Variants in PSD3 observed in about 807,000 individuals in gnomAD.
The protein encoded by PSD3 is pleckstrin and Sec7 domain containing 3.
PSD3 carries 49 observed loss-of-function variants against 105.5 expected under a neutral mutation model. The ratio of observed to expected loss-of-function variants is 0.46; its 90% CI spans 0.37 to 0.59. The LOEUF is 0.59. Ranked by LOEUF, PSD3 falls within the 20% of genes least tolerant of loss-of-function variation. The pLI is 0.00. For missense variants in PSD3, 1,561 were observed against 1,263.8 expected (o/e 1.24, Z -3.57); for synonymous variants, 557 against 457.8 (o/e 1.22, Z -2.77).
intron 10 of PSD3, among the ~76,000 whole-genome samples, chr8:18,633,121 T>A (rs1411300494): frequency 6.6e-6 from 1 of 152,040 alleles, no homozygotes; most frequent in Non-Finnish European, 1.5e-5. Flanking sequence ...ATCCCTAAAG[T>A]CATTGGTCTT....
chr8:18,888,483 T>C (rs866269242), intron 2 of PSD3, among the ~76,000 whole-genome samples: 20 of 148,600 alleles, frequency 1.3e-4, no homozygotes, highest in African/African-American at 4.3e-4. Flanking sequence ...AATTTCCATC[T>C]GAAAAAAAAA....
chr8:18,881,934 G>A (rs1818129686), intron 2 of PSD3, among the ~76,000 whole-genome samples: 1 of 152,192 alleles, frequency 6.6e-6, no homozygotes, highest in Admixed American at 6.5e-5. Context: ...AAAGCCAGAT[G>A]AGGTGGCTCA....
chr8:18,742,791 T>A lies in PSD3; in HGVS notation c.2172+22658A>T, dbSNP rs561972369. ...TACAGTTTAGAAGCCATTTGGTTTA[T>A]TTTTCATAAAGACAAAGAGCTAGTC... is the stretch of plus-strand genomic sequence containing the variant. On this transcript the variant is annotated intron_variant, in intron 9 of 15. Transcript: ENST00000327040. Among the ~76,000 whole-genome samples the A allele has an allele frequency of 1.2e-4, 18 of 152,354 alleles. No homozygotes were observed. In the East Asian group the frequency reaches 3.1e-3, roughly 26 times the overall value.
At chr8:19,074,706 C>A (rs141697403) in intron 1 of PSD3, among the ~76,000 whole-genome samples, 4 of 146,002 alleles carry the variant, frequency 2.7e-5, no homozygotes, top group Non-Finnish European at 4.5e-5. Flanking sequence ...CCGCAAGCTC[C>A]GCCTCCCGGG....
intron 1 of PSD3, chr8:19,001,866 C>T (rs1826417840): frequency 5.7e-6 from 1 of 174,068 alleles, no homozygotes. Flanking sequence ...CCTGCGGTGT[C>T]CCCAGCATCC....
intron 1 of PSD3, among the ~76,000 whole-genome samples, chr8:19,024,917 G>A (rs1426871336): frequency 6.6e-6 from 1 of 152,092 alleles, no homozygotes; most frequent in Non-Finnish European, 1.5e-5. Context: ...GTAAACATAA[G>A]TAAAGTGTCT....
At chr8:19,023,913 T>C (rs1050100786) in intron 1 of PSD3, among the ~76,000 whole-genome samples, 5 of 152,200 alleles carry the variant, frequency 3.3e-5, no homozygotes, top group African/African-American at 1.2e-4. Flanking sequence ...AGTGTAAAGC[T>C]TTTTAGCACA....
At chr8:18,629,789 A>T (rs747265122) in intron 11 of PSD3, among the ~76,000 whole-genome samples, 3 of 151,980 alleles carry the variant, frequency 2.0e-5, no homozygotes, top group Non-Finnish European at 4.4e-5. Flanking sequence ...TGTGTTGATG[A>T]TTATATAACT....
At chr8:18,827,623 G>GT (rs552637729) in intron 4 of PSD3, among the ~76,000 whole-genome samples, 376 of 152,260 alleles carry the variant, frequency 2.5e-3, no homozygotes, top group African/African-American at 8.9e-3. Context: ...CTATGAGAGT[G>GT]TTTTTTAAGA....
intron 4 of PSD3, among the ~76,000 whole-genome samples, chr8:18,821,626 C>T (rs1473727780): frequency 2.0e-5 from 3 of 151,438 alleles, no homozygotes; most frequent in Non-Finnish European, 2.9e-5. Flanking sequence ...AATTCAAACA[C>T]TGCTGCAGAT....
intron 9 of PSD3, among the ~76,000 whole-genome samples, chr8:18,690,411 T>A (rs1307250821): frequency 1.3e-5 from 2 of 152,338 alleles, no homozygotes; most frequent in African/African-American, 4.8e-5. Context: ...GGAAAACAGA[T>A]ACATTGGATC....
At chr8:18,736,259 A>C (rs1449210110) in intron 9 of PSD3, among the ~76,000 whole-genome samples, 1 of 152,198 alleles carries the variant, frequency 6.6e-6, no homozygotes, top group Non-Finnish European at 1.5e-5. Flanking sequence ...ATTGAAGGCA[A>C]GACACTTAAC....
chr8:18,938,627 CAA>C (rs35017140), intron 1 of PSD3, among the ~76,000 whole-genome samples: 183 of 109,432 alleles, frequency 1.7e-3, no homozygotes, highest in East Asian at 0.01. Context: ...CCGTCTCAAA[CAA>C]AAAAAAAAAA....
In PSD3 at chr8:18,632,780, G is replaced by A. The variant is rs756774402; in HGVS notation, c.2243C>T (p.Pro748Leu). The change falls in exon 11 of 16, where the codon CCC becomes CTC. Residue 748 changes from proline to leucine, a missense_variant. Coordinates refer to ENST00000327040, the MANE Select transcript of PSD3 (RefSeq NM_015310.4). ...AVDDEEKKKS[P>L]SESTEEKANG... is the part of the protein sequence containing the mutation. Reference sequence around the variant, plus strand: ...AGCTTTCTCCTCAGTACTTTCTGAGGGAGACTTTTTTTTCTCTTCATCATC... The same window carrying A: ...AGCTTTCTCCTCAGTACTTTCTGAGAGAGACTTTTTTTTCTCTTCATCATC... 55 of 1,591,216 alleles carry A rather than the reference G, an allele frequency of 3.5e-5. No homozygotes were observed. Among genetic ancestry groups the A allele is most frequent in the Non-Finnish European group, 4.6e-5 (53 of 1,162,896 alleles).
At chr8:18,649,940 G>A (rs544857750) in intron 10 of PSD3, among the ~76,000 whole-genome samples, 1 of 152,328 alleles carries the variant, frequency 6.6e-6, no homozygotes, top group Admixed American at 6.5e-5. Flanking sequence ...GCAGATGCTA[G>A]CATCATACTT....
At chr8:18,601,862 G>A (rs147698989) in intron 11 of PSD3, among the ~76,000 whole-genome samples, 1 of 152,164 alleles carries the variant, frequency 6.6e-6, no homozygotes, top group African/African-American at 2.4e-5. Context: ...GGCTGAGAGG[G>A]CTGCTGCAGA....
chr8:18,863,394 A>AC (rs756532416), intron 4 of PSD3, among the ~76,000 whole-genome samples: 22 of 152,052 alleles, frequency 1.4e-4, no homozygotes, highest in Non-Finnish European at 3.1e-4. Flanking sequence ...TTCACACAGC[A>AC]CCGCTGACCC....
intron 2 of PSD3, among the ~76,000 whole-genome samples, chr8:18,881,124 T>G (rs989513442): frequency 1.3e-5 from 2 of 152,218 alleles, no homozygotes; most frequent in African/African-American, 4.8e-5. Flanking sequence ...AAATCGTGTT[T>G]CCTGTTGTTT....
intron 2 of PSD3, among the ~76,000 whole-genome samples, chr8:18,928,532 T>C (rs368749596): frequency 2.0e-5 from 3 of 152,118 alleles, no homozygotes; most frequent in African/African-American, 7.2e-5. Flanking sequence ...CACAAAAAAG[T>C]AGTGGTAAAT....
Sources: gnomAD v4.1 joint callset for allele counts (sites outside exome capture counted in the v4.1 genomes callset) on GRCh38, gnomAD v4.1.1 for gene constraint, MANE v1.5 for transcripts, NCBI Gene and HGNC (gene_info 2026-07-23, HGNC 2026-07-21) for gene names.